Variants in HADHA observed in about 807,000 individuals in gnomAD.
HADHA encodes the protein hydroxyacyl-CoA dehydrogenase trifunctional multienzyme complex subunit alpha.
In HADHA, 59 loss-of-function variants were observed where a neutral mutation model predicts 91.3. The ratio of observed to expected loss-of-function variants is 0.65; its 90% CI spans 0.52 to 0.80. The LOEUF is 0.80. Among genes scored for constraint, HADHA ranks in the 30% least tolerant of loss-of-function variants. HADHA has a pLI of 0.00. For missense variants in HADHA, 800 were observed against 927.6 expected, an observed-to-expected ratio of 0.86 and a Z score of 1.79; for synonymous variants, 320 against 338.9, an observed-to-expected ratio of 0.94 and a Z score of 0.61.
At chr2:26,212,666 A>G (rs1320330876) in intron 9 of HADHA, 40 bp from the exon 10 acceptor site, 6 of 1,314,244 alleles carry the variant, frequency 4.6e-6, no homozygotes, top group African/African-American at 1.4e-5. Flanking sequence ...GTTGGAATAG[A>G]TTGGCGAGAT....
chr2:26,191,914 A>AT (rs1462640908), intron 18 of HADHA, among the ~76,000 whole-genome samples: 1 of 152,236 alleles, frequency 6.6e-6, no homozygotes, highest in East Asian at 1.9e-4. Flanking sequence ...CTCACAAATG[A>AT]TAATAAAGAT....
chr2:26,206,672 C>T (rs151201557), intron 11 of HADHA, among the ~76,000 whole-genome samples: 28 of 152,230 alleles, frequency 1.8e-4, no homozygotes, highest in African/African-American at 6.3e-4. Flanking sequence ...TAATTCTACT[C>T]GTCATTATCT....
intron 5 of HADHA, among the ~76,000 whole-genome samples, chr2:26,232,583 C>T (rs560820427): frequency 6.6e-6 from 1 of 152,292 alleles, no homozygotes; most frequent in South Asian, 2.1e-4. Context: ...TAAAAAGCCC[C>T]GGACTCTCCA....
At chr2:26,213,125 T>C (rs1020254435) in intron 9 of HADHA, among the ~76,000 whole-genome samples, 2 of 152,222 alleles carry the variant, frequency 1.3e-5, no homozygotes, top group African/African-American at 4.8e-5. Flanking sequence ...AATAAGCAAA[T>C]TGACATCTCT....
rs2147756121 is a variant in HADHA at position 26,197,748 on chromosome 2, A to G, written c.1422T>C (p.Ser474=). 1 of 1,548,528 alleles carries G rather than the reference A, an allele frequency of 6.5e-7. No homozygotes were observed. Among genetic ancestry groups the G allele is most frequent in the Non-Finnish European group, 8.9e-7 (1 of 1,119,982 alleles). The change falls in exon 14 of 20, where the codon AGT becomes AGC. Residue 474 remains serine (S), a synonymous_variant. Transcript: ENST00000380649. ...AVIPDHCIFA[S]NTSALPISEI... is the part of the protein sequence containing the mutation. ...CACTGATTGGGAGAGCAGATGTGTT[A>G]CTGGCAAAGATACAGTGATCTGGAA... is the stretch of plus-strand genomic sequence containing the variant.
At position 26,190,924 on chromosome 2, in the gene HADHA, C is replaced by A. The variant is rs1669475376; in HGVS notation, c.*326G>T. ...TGTGTTTGGCTGGGTGCAGAACTGC[C>A]CTCACCACCCCTGGCCACCCTGGCC... On this transcript the variant is annotated 3_prime_UTR_variant, in exon 20 of 20. Transcript: ENST00000380649. 4.2e-6 allele frequency: 2 copies of A among 478,372 alleles called. No individual in the cohort carries two copies. Among genetic ancestry groups the A allele is most frequent in the Non-Finnish European group, 7.7e-6 (2 of 260,676 alleles). The allele number at this position is 478,372 out of a possible 1,614,324, so 29.6% of individuals were successfully genotyped here.
In HADHA at chr2:26,191,421, G is replaced by C. The variant is rs200486145; in HGVS notation, c.2147-26C>G. The C allele has an allele frequency of 2.7e-5, 44 of 1,614,180 alleles. No individual in the cohort carries two copies. In the African/African-American group the frequency reaches 5.7e-4, roughly 21 times the overall value. Reference sequence around the variant, plus strand: ...CTGAATAGAGAAAGAGGACTTCGTTGAAGGAGACGCAACACGGGCTCCAGG... The same window carrying C: ...CTGAATAGAGAAAGAGGACTTCGTTCAAGGAGACGCAACACGGGCTCCAGG... On this transcript the variant is annotated intron_variant, in intron 19 of 19. Coordinates refer to ENST00000380649, the MANE Select transcript of HADHA (RefSeq NM_000182.5).
At chr2:26,206,065 C>T (rs1193857948) in intron 11 of HADHA, among the ~76,000 whole-genome samples, 1 of 151,892 alleles carries the variant, frequency 6.6e-6, no homozygotes, top group Non-Finnish European at 1.5e-5. Context: ...CTTTGGGAGG[C>T]CTAGGAGGGA....
chr2:26,211,247 C>T (rs957808662), intron 10 of HADHA, among the ~76,000 whole-genome samples: 1 of 152,124 alleles, frequency 6.6e-6, no homozygotes, highest in Non-Finnish European at 1.5e-5. Flanking sequence ...TGTTTATGTG[C>T]ACTTGGTTAT....
intron 12 of HADHA, among the ~76,000 whole-genome samples, chr2:26,202,825 A>G (rs975235062): frequency 5.3e-5 from 8 of 152,252 alleles, no homozygotes; most frequent in African/African-American, 1.7e-4. Context: ...TCAGCAAACA[A>G]GATACTTGTC....
At chr2:26,231,758 G>A (rs1247515123) in intron 6 of HADHA, among the ~76,000 whole-genome samples, 4 of 152,040 alleles carry the variant, frequency 2.6e-5, no homozygotes, top group African/African-American at 9.6e-5. Context: ...CCTGAGGTCG[G>A]GAGTTCAAGA....
chr2:26,224,046 C>T (rs1048984966), intron 7 of HADHA, among the ~76,000 whole-genome samples: 31 of 152,160 alleles, frequency 2.0e-4, no homozygotes, highest in Non-Finnish European at 2.4e-4. Flanking sequence ...TGCACCTGGC[C>T]GGAATGGGAA....
Position 26,210,025 on chromosome 2 carries a change from G to T in HADHA, c.976-136C>A. ...TCCCTGGGGATGCGGGGGAGTTTGG[G>T]GGTTCAGTGCTGCAGAAGTCTGTCT... On this transcript the variant is annotated intron_variant, in intron 10 of 19. Coordinates refer to ENST00000380649, the MANE Select transcript of HADHA (RefSeq NM_000182.5). This position sits in a 1 kb window ranked among gnomAD's most constrained non-coding sequence, Gnocchi z 4.0. 1 of 708,284 alleles carries T rather than the reference G, an allele frequency of 1.4e-6. No homozygotes were observed. Among genetic ancestry groups the T allele is most frequent in the South Asian group, 1.5e-5 (1 of 67,938 alleles). The allele number at this position is 708,284 out of a possible 1,614,324, so 43.9% of individuals were successfully genotyped here.
rs1558322591 is a variant in HADHA at position 26,212,570 on chromosome 2, CTGAGAT to C, written c.969_974del (p.Ser324_Gln325del). ...AAACATTGAAAGGAAATAAGTTTAC[CTGAGAT>C]TCACAGAGATAACCGGCATCACTCC... On this transcript the variant is annotated inframe_deletion and splice_region_variant, in exon 10 of 20. Transcript: ENST00000380649. 1 of 1,552,794 alleles carries C rather than the reference CTGAGAT, an allele frequency of 6.4e-7. No homozygotes were observed. Among genetic ancestry groups the C allele is most frequent in the East Asian group, 2.2e-5 (1 of 44,602 alleles).
chr2:26,242,309 T>A (rs1015849268), intron 1 of HADHA, among the ~76,000 whole-genome samples: 1 of 152,192 alleles, frequency 6.6e-6, no homozygotes, highest in Non-Finnish European at 1.5e-5. Flanking sequence ...AATATAAGGG[T>A]GCAGGTCATT....
rs1558332954 is a variant in HADHA, at chr2:26,241,481, A to AC, written c.68-2339_68-2338insG. Among the ~76,000 whole-genome samples the AC allele has an allele frequency of 6.0e-4, 91 of 151,352 alleles. 1 individual carries two copies. Among genetic ancestry groups the AC allele is most frequent in the South Asian group, 5.9e-3 (28 of 4,782 alleles). On this transcript the variant is annotated intron_variant, in intron 1 of 19. Coordinates refer to ENST00000380649, the MANE Select transcript of HADHA (RefSeq NM_000182.5). ...CTAAAAATACAACAACAACAACAAA[A>AC]AAAAAAAAACAAAAAAAAAGTTAGC...
At chr2:26,223,423 T>A (rs1291873191) in intron 7 of HADHA, among the ~76,000 whole-genome samples, 1 of 152,096 alleles carries the variant, frequency 6.6e-6, no homozygotes, top group Admixed American at 6.6e-5. Context: ...TAGAAGACAT[T>A]TTAGGAATGA....
intron 7 of HADHA, among the ~76,000 whole-genome samples, chr2:26,225,132 T>C (rs1321124718): frequency 6.6e-6 from 1 of 152,198 alleles, no homozygotes; most frequent in Admixed American, 6.5e-5. Context: ...CAGGAATTAC[T>C]GGTTAATTCT....
chr2:26,234,481 A>G, intron 4 of HADHA, 126 bp from the exon 5 acceptor site: 1 of 847,928 alleles, frequency 1.2e-6, no homozygotes, highest in Non-Finnish European at 1.9e-6. Flanking sequence ...TTCAAATAGA[A>G]GGTTAAGAAT....
Sources: allele counts gnomAD v4.1 joint callset (sites outside exome capture counted in the v4.1 genomes callset), GRCh38; gene constraint gnomAD v4.1.1; non-coding constraint Gnocchi (gnomAD v3.1); transcripts MANE v1.5; gene names NCBI Gene and HGNC (gene_info 2026-07-23, HGNC 2026-07-21).